TAX1BP1: variants seen among roughly 807,000 people sequenced by gnomAD.
TAX1BP1 encodes the protein tax1-binding protein 1.
A neutral mutation model predicts 97.7 loss-of-function variants in TAX1BP1; 62 were observed. The ratio of observed to expected loss-of-function variants is 0.63; its 90% CI spans 0.52 to 0.78. The LOEUF (loss-of-function observed/expected upper bound fraction) is 0.78. Ranked by LOEUF, TAX1BP1 falls within the 30% of genes least tolerant of loss-of-function variation. The pLI is 0.00. For synonymous variants in TAX1BP1, 340 were observed against 304.2 expected (o/e 1.12, Z -1.23); for missense variants, 867 against 916.1 (o/e 0.95, Z 0.69).
At position 27,790,537 on chromosome 7, in the gene TAX1BP1, A is replaced by C. The variant is rs139811918; in HGVS notation, c.1039-1469A>C. ...TGTATTGTTTGTAATGTCTGCACAG[A>C]CTTTGATTATATAGAGGTAGTATAT... On this transcript the variant is annotated intron_variant, in intron 8 of 16. Coordinates refer to ENST00000396319, the MANE Select transcript of TAX1BP1 (RefSeq NM_006024.7). Among the ~76,000 whole-genome samples, 426 of 151,908 alleles carry C rather than the reference A, an allele frequency of 2.8e-3. 1 individual carries two copies. The highest frequency in any genetic ancestry group is 6.8e-3 in the Middle Eastern group (2 of 294).
At chr7:27,792,943 CAG>C in intron 9 of TAX1BP1, 121 bp from the exon 10 acceptor site, 1 of 834,152 alleles carries the variant, frequency 1.2e-6, no homozygotes, top group Non-Finnish European at 1.8e-6. Flanking sequence ...GCCTGGGTGA[CAG>C]AGCAAGACTC....
At chr7:27,812,333 T>A (rs1440193027) in intron 13 of TAX1BP1, among the ~76,000 whole-genome samples, 1 of 152,244 alleles carries the variant, frequency 6.6e-6, no homozygotes, top group Non-Finnish European at 1.5e-5. Context: ...TATTTTTTTT[T>A]ATTGAGCTGT....
intron 3 of TAX1BP1, among the ~76,000 whole-genome samples, chr7:27,761,507 A>G (rs2128310366): frequency 6.6e-6 from 1 of 152,310 alleles, no homozygotes; most frequent in African/African-American, 2.4e-5. Flanking sequence ...CCCTCCTGGT[A>G]AAACCCTGGC....
intron 4 of TAX1BP1, 74 bp downstream of exon 4, chr7:27,766,095 A>G: frequency 2.0e-6 from 3 of 1,463,510 alleles, no homozygotes; most frequent in East Asian, 2.4e-5. Flanking sequence ...GCATTTTAAG[A>G]ATTTTAAGGT....
intron 13 of TAX1BP1, among the ~76,000 whole-genome samples, chr7:27,814,660 T>C (rs1325414469): frequency 6.6e-6 from 1 of 152,214 alleles, no homozygotes; most frequent in Non-Finnish European, 1.5e-5. Flanking sequence ...AATTATTTGT[T>C]GCTGTATGTA....
At chr7:27,787,874 C>G (rs536682354) in intron 8 of TAX1BP1, among the ~76,000 whole-genome samples, 1 of 152,152 alleles carries the variant, frequency 6.6e-6, no homozygotes, top group South Asian at 2.1e-4. Flanking sequence ...GCATGTCTCC[C>G]TTATGAACAA....
chr7:27,790,129 A>G (rs1789650430), intron 8 of TAX1BP1, among the ~76,000 whole-genome samples: 1 of 152,022 alleles, frequency 6.6e-6, no homozygotes, highest in Non-Finnish European at 1.5e-5. Context: ...GAATATACGT[A>G]TATTTATATT....
chr7:27,764,554 G>A (rs539207094), intron 3 of TAX1BP1, among the ~76,000 whole-genome samples: 161 of 152,118 alleles, frequency 1.1e-3, no homozygotes, highest in African/African-American at 3.7e-3. Flanking sequence ...GTGTCTTCTG[G>A]ATTTCTCCAC....
At chr7:27,742,273 G>GAGAAAC (rs1248540398) in intron 1 of TAX1BP1, among the ~76,000 whole-genome samples, 18 of 152,306 alleles carry the variant, frequency 1.2e-4, no homozygotes, top group African/African-American at 4.3e-4. Flanking sequence ...ATCACATGGG[G>GAGAAAC]AGAAACCTTG....
chr7:27,778,362 C>T (rs1469355028), intron 5 of TAX1BP1, among the ~76,000 whole-genome samples: 2 of 151,622 alleles, frequency 1.3e-5, no homozygotes, highest in Non-Finnish European at 2.9e-5. Flanking sequence ...TAGTACTGTT[C>T]GCCTAGTCAC....
chr7:27,793,978 T>C (rs1056330546), intron 10 of TAX1BP1, among the ~76,000 whole-genome samples: 2 of 152,228 alleles, frequency 1.3e-5, no homozygotes, highest in South Asian at 2.1e-4. Context: ...TGAAAAAATA[T>C]GATACTTTAA....
At chr7:27,797,575 A>C (rs1789985188) in intron 12 of TAX1BP1, among the ~76,000 whole-genome samples, 1 of 152,124 alleles carries the variant, frequency 6.6e-6, no homozygotes, top group Non-Finnish European at 1.5e-5. Context: ...AATTTAATTT[A>C]CAGTAATTAT....
chr7:27,749,758 G>T (rs1787955801), intron 2 of TAX1BP1, among the ~76,000 whole-genome samples: 1 of 152,092 alleles, frequency 6.6e-6, no homozygotes, highest in Non-Finnish European at 1.5e-5. Flanking sequence ...AACATTCATT[G>T]TAACAATTTT....
intron 13 of TAX1BP1, among the ~76,000 whole-genome samples, chr7:27,805,575 G>A (rs1397833871): frequency 2.6e-5 from 4 of 152,130 alleles, no homozygotes; most frequent in African/African-American, 4.8e-5. Flanking sequence ...TGTGGCTTAC[G>A]CCTGTAATCC....
chr7:27,826,991 G>A (rs1791198972), intron 15 of TAX1BP1, among the ~76,000 whole-genome samples: 2 of 152,186 alleles, frequency 1.3e-5, no homozygotes, highest in African/African-American at 4.8e-5. Context: ...CAGAGAGACT[G>A]TCTTTCTTGT....
At chr7:27,779,169 A>AATATAGAGAC (rs1178128696) in intron 5 of TAX1BP1, among the ~76,000 whole-genome samples, 1 of 152,034 alleles carries the variant, frequency 6.6e-6, no homozygotes, top group Non-Finnish European at 1.5e-5. Context: ...TTCTTTTTAA[A>AATATAGAGAC]ATATAGAGAC....
chr7:27,819,640 T>C (rs924313333), intron 15 of TAX1BP1, among the ~76,000 whole-genome samples: 1 of 152,204 alleles, frequency 6.6e-6, no homozygotes, highest in African/African-American at 2.4e-5. Flanking sequence ...CATCATAAGT[T>C]AAATATGTGT....
At chr7:27,768,215 A>G (rs748360481) in intron 4 of TAX1BP1, among the ~76,000 whole-genome samples, 30 of 152,136 alleles carry the variant, frequency 2.0e-4, no homozygotes, top group Non-Finnish European at 4.1e-4. Flanking sequence ...TTTCACATTA[A>G]ATGGCTTAGA....
intron 12 of TAX1BP1, among the ~76,000 whole-genome samples, chr7:27,797,020 C>T (rs1332920904): frequency 6.7e-6 from 1 of 149,052 alleles, no homozygotes; most frequent in East Asian, 2.0e-4. Context: ...TTTTTTGATA[C>T]GGAGTCTCAC....
Sources: gnomAD v4.1 joint callset for allele counts (sites outside exome capture counted in the v4.1 genomes callset) on GRCh38, gnomAD v4.1.1 for gene constraint, MANE v1.5 for transcripts, NCBI Gene and HGNC (gene_info 2026-07-23, HGNC 2026-07-21) for gene names.